Variants in CSMD1 observed in about 807,000 individuals in gnomAD.
The protein encoded by CSMD1 is CUB and Sushi multiple domains 1.
Under a neutral mutation model 417.5 loss-of-function variants are expected in CSMD1, and 213 were observed. That is an observed-to-expected ratio of 0.51 (90% CI 0.46 to 0.57). The LOEUF is 0.57. Ranked by LOEUF, CSMD1 falls within the 20% of genes least tolerant of loss-of-function variation. The pLI is 0.00. For missense variants in CSMD1, 6,923 were observed against 4,529.7 expected, an observed-to-expected ratio of 1.53 and a Z score of -15.17; for synonymous variants, 2,862 against 1,736.8, an observed-to-expected ratio of 1.65 and a Z score of -16.11.
In CSMD1 at chr8:3,631,025, C is replaced by T. The variant is rs536437602; in HGVS notation, c.1010-14228G>A. ...CAGCACCATGTTGAACCCTTGAAAACGCAATCATGCTTCTTTGCTCGTGCC... is the reference window on the plus strand; with the variant it reads ...CAGCACCATGTTGAACCCTTGAAAATGCAATCATGCTTCTTTGCTCGTGCC... On this transcript the variant is annotated intron_variant, in intron 7 of 69. Coordinates refer to ENST00000635120, the MANE Select transcript of CSMD1 (RefSeq NM_033225.6). Among the ~76,000 whole-genome samples the T allele has an allele frequency of 1.2e-4, 18 of 152,268 alleles. No homozygotes were observed. The East Asian group carries it at 2.9e-3, about 25-fold the overall frequency.
chr8:3,804,023 G>T (rs926319044), intron 5 of CSMD1, among the ~76,000 whole-genome samples: 2 of 152,116 alleles, frequency 1.3e-5, no homozygotes. Flanking sequence ...CACCTCCTGA[G>T]TTCAAGCGAT....
At chr8:4,390,497 T>TTTTTTTATTGATTTATTTA (rs58291340) in intron 3 of CSMD1, among the ~76,000 whole-genome samples, 19 of 140,364 alleles carry the variant, frequency 1.4e-4, no homozygotes, top group African/African-American at 4.8e-4. Flanking sequence ...AAGCGTCCAT[T>TTTTTTTATTGATTTATTTA]TTTATTTATT....
intron 27 of CSMD1, among the ~76,000 whole-genome samples, chr8:3,229,720 T>C (rs780246183): frequency 6.6e-5 from 10 of 152,158 alleles, no homozygotes; most frequent in Admixed American, 3.9e-4. Flanking sequence ...ATAGCAATGG[T>C]AGGTTTATAA....
chr8:4,891,187 A>G (rs1407071313), intron 1 of CSMD1, among the ~76,000 whole-genome samples: 1 of 152,172 alleles, frequency 6.6e-6, no homozygotes, highest in East Asian at 1.9e-4. Flanking sequence ...TACATCTGGA[A>G]GTGAAACATG....
At chr8:4,148,962 T>G (rs1342206820) in intron 3 of CSMD1, among the ~76,000 whole-genome samples, 1 of 87,404 alleles carries the variant, frequency 1.1e-5, no homozygotes, top group East Asian at 3.1e-4. Context: ...ACATTTCATA[T>G]TAACTTTTTT....
intron 4 of CSMD1, among the ~76,000 whole-genome samples, chr8:4,003,527 C>G (rs1003681216): frequency 6.6e-6 from 1 of 151,878 alleles, no homozygotes; most frequent in African/African-American, 2.4e-5. Flanking sequence ...CTAGAACAAA[C>G]CAAAATTAAA....
chr8:3,893,339 T>TTATATATATATATATATATACATA (rs1807115987), intron 5 of CSMD1, among the ~76,000 whole-genome samples: 1 of 80,440 alleles, frequency 1.2e-5, no homozygotes, highest in Admixed American at 1.7e-4. Context: ...ATTCACAATT[T>TTATATATATATATATATATACATA]TATATATATA....
rs78963761 is a variant in CSMD1, at chr8:4,895,563, T to C, written c.85+98769A>G. 6.5e-3 allele frequency among the ~76,000 whole-genome samples: 992 copies of C among 152,252 alleles called. 17 individuals are homozygous for C. The highest frequency in any genetic ancestry group is 0.022 in the African/African-American group (933 of 41,506). On this transcript the variant is annotated intron_variant, in intron 1 of 69. Transcript: ENST00000635120. ...AGTGTTTTTACTGATAAAGAAATTT[T>C]GCTGATTCAAAGGTATTGATTATAG...
At chr8:3,120,683 C>CA (rs1563063733) in intron 41 of CSMD1, among the ~76,000 whole-genome samples, 4 of 145,094 alleles carry the variant, frequency 2.8e-5, no homozygotes, top group Non-Finnish European at 5.9e-5. Flanking sequence ...CCTGTCTCTA[C>CA]TAAAAATACA....
At chr8:3,256,041 G>C (rs893936495) in intron 26 of CSMD1, among the ~76,000 whole-genome samples, 1 of 152,090 alleles carries the variant, frequency 6.6e-6, no homozygotes, top group East Asian at 1.9e-4. Flanking sequence ...AGAAGACAAT[G>C]ACTGAGCCGG....
At chr8:4,053,981 G>C (rs919807694) in intron 3 of CSMD1, among the ~76,000 whole-genome samples, 3 of 152,052 alleles carry the variant, frequency 2.0e-5, no homozygotes, top group African/African-American at 7.2e-5. Context: ...AGTATATAAG[G>C]AAGTTAAGAA....
intron 1 of CSMD1, among the ~76,000 whole-genome samples, chr8:4,679,971 T>G (rs569519594): frequency 3.9e-5 from 6 of 152,224 alleles, no homozygotes; most frequent in Non-Finnish European, 8.8e-5. Flanking sequence ...ACCATATTTC[T>G]AGAATATTAG....
chr8:3,344,359 T>G (rs1291024701), intron 22 of CSMD1, among the ~76,000 whole-genome samples: 1 of 152,180 alleles, frequency 6.6e-6, no homozygotes, highest in Non-Finnish European at 1.5e-5. Flanking sequence ...GCTTAAAACC[T>G]AGATGATGGG....
intron 10 of CSMD1, among the ~76,000 whole-genome samples, chr8:3,557,541 G>A (rs532698646): frequency 3.4e-4 from 52 of 152,294 alleles, no homozygotes; most frequent in African/African-American, 1.2e-3. Context: ...TTTAAAAAGA[G>A]GCACAGTGTT....
At chr8:4,400,291 C>G (rs1048715101) in intron 3 of CSMD1, among the ~76,000 whole-genome samples, 5 of 152,200 alleles carry the variant, frequency 3.3e-5, no homozygotes, top group Middle Eastern at 3.2e-3. Context: ...AAGATACTAG[C>G]AAATGGGATT....
At chr8:4,061,553 A>C (rs1037880752) in intron 3 of CSMD1, among the ~76,000 whole-genome samples, 1 of 152,174 alleles carries the variant, frequency 6.6e-6, no homozygotes, top group African/African-American at 2.4e-5. Flanking sequence ...CCTACAGAAT[A>C]ATAACCCTCA....
intron 3 of CSMD1, among the ~76,000 whole-genome samples, chr8:4,405,321 CTCAT>C (rs1434374536): frequency 1.3e-5 from 2 of 151,534 alleles, no homozygotes; most frequent in East Asian, 1.9e-4. Context: ...TAGTTTTTTT[CTCAT>C]TTTTTTTTTC....
intron 3 of CSMD1, among the ~76,000 whole-genome samples, chr8:4,088,542 T>G (rs1030460373): frequency 1.6e-4 from 25 of 152,202 alleles, no homozygotes; most frequent in Non-Finnish European, 3.5e-4. Context: ...CAAAACTAAA[T>G]CTCTCAAACC....
At chr8:4,936,566 T>A (rs577973151) in intron 1 of CSMD1, among the ~76,000 whole-genome samples, 1 of 152,352 alleles carries the variant, frequency 6.6e-6, no homozygotes, top group Admixed American at 6.5e-5. Flanking sequence ...TTCATAAGCA[T>A]TTTAAGTAGA....
Sources: gnomAD v4.1 joint callset for allele counts (sites outside exome capture counted in the v4.1 genomes callset) on GRCh38, gnomAD v4.1.1 for gene constraint, MANE v1.5 for transcripts, NCBI Gene and HGNC (gene_info 2026-07-23, HGNC 2026-07-21) for gene names.